Variants in TENM3 observed in about 807,000 individuals in gnomAD.
TENM3 encodes the protein teneurin transmembrane protein 3.
TENM3 carries 63 observed loss-of-function variants against 255.1 expected under a neutral mutation model. That is an observed-to-expected ratio of 0.25 (90% confidence interval 0.20 to 0.30). TENM3 has a LOEUF of 0.30. Among genes scored for constraint, TENM3 ranks in the 10% least tolerant of loss-of-function variants. TENM3 has a pLI of 1.00. For synonymous variants in TENM3, 1,306 were observed against 1,322.3 expected, an observed-to-expected ratio of 0.99 and a Z score of 0.27; for missense variants, 2,929 against 3,461.1, an observed-to-expected ratio of 0.85 and a Z score of 3.86.
At chr4:182,446,205 C>G (rs1772900306) in intron 3 of TENM3, among the ~76,000 whole-genome samples, 1 of 152,158 alleles carries the variant, frequency 6.6e-6, no homozygotes, top group South Asian at 2.1e-4. Context: ...CTTGATTATT[C>G]TCAAAGGATC....
At chr4:181,863,013 GA>G in the TENM3 span, among the ~76,000 whole-genome samples, 3 of 152,124 alleles carry the variant, frequency 2.0e-5, no homozygotes, top group African/African-American at 7.2e-5. Context: ...AAATACGCAT[GA>G]AAAATGTTAA....
the TENM3 span, among the ~76,000 whole-genome samples, chr4:181,574,814 GA>G: frequency 2.6e-5 from 4 of 152,092 alleles, no homozygotes; most frequent in African/African-American, 9.7e-5. Flanking sequence ...TTACAAAAGT[GA>G]AAATGTACTA....
At chr4:181,516,668 C>T in the TENM3 span, among the ~76,000 whole-genome samples, 1 of 151,880 alleles carries the variant, frequency 6.6e-6, no homozygotes, top group Non-Finnish European at 1.5e-5. Context: ...CCCAGCTACT[C>T]GGGCGGCTGA....
chr4:182,205,511 C>G (rs1432379942), intron 1 of TENM3, among the ~76,000 whole-genome samples: 1 of 152,142 alleles, frequency 6.6e-6, no homozygotes, highest in East Asian at 1.9e-4. Context: ...TTCCTCAGGG[C>G]CCCCCAGGTG....
intron 3 of TENM3, among the ~76,000 whole-genome samples, chr4:182,567,071 A>C (rs1479302139): frequency 6.6e-6 from 1 of 152,226 alleles, no homozygotes; most frequent in East Asian, 1.9e-4. Flanking sequence ...AAACTTCTAA[A>C]TAGAGAGGTA....
At chr4:182,474,694 TA>T (rs1212641199) in intron 3 of TENM3, among the ~76,000 whole-genome samples, 19 of 152,228 alleles carry the variant, frequency 1.2e-4, no homozygotes, top group African/African-American at 4.6e-4. Context: ...TGTTTTGCTT[TA>T]TTGACACATA....
chr4:182,324,005 A>G lies in TENM3; in HGVS notation c.-16A>G, dbSNP rs1356273642. 2.5e-6 allele frequency: 4 copies of G among 1,609,072 alleles called. No homozygotes were observed. The highest frequency in any genetic ancestry group is 3.4e-6 in the Non-Finnish European group (4 of 1,176,948). ...TGTCACCAGCAGGACTGATGTGCAC[A>G]CAGAAGGAATGAAGTATGGATGTGA... On this transcript the variant is annotated 5_prime_UTR_variant, in exon 2 of 28. Transcript: ENST00000511685.
rs184936582 is a variant in TENM3 at position 182,249,518 on chromosome 4, T to C, written c.-76+6042T>C. On this transcript the variant is annotated intron_variant, in intron 1 of 27. Transcript: ENST00000511685. ...AGCAGGAAAACACAATGGTGGACCATGCACTGGCTCTTAAAATCTTCTGCT... is the reference window on the plus strand; with the variant it reads ...AGCAGGAAAACACAATGGTGGACCACGCACTGGCTCTTAAAATCTTCTGCT... 5.2e-4 allele frequency among the ~76,000 whole-genome samples: 79 copies of C among 152,294 alleles called. 1 individual carries two copies. Among genetic ancestry groups the C allele is most frequent in the Non-Finnish European group, 2.9e-5 (2 of 68,026 alleles).
the TENM3 span, among the ~76,000 whole-genome samples, chr4:181,950,486 T>A: frequency 6.6e-6 from 1 of 152,178 alleles, no homozygotes; most frequent in East Asian, 1.9e-4. Context: ...ATTAACACCA[T>A]GTTACACCAT....
In TENM3 at chr4:182,672,452, C is replaced by T. The variant is rs919093931; in HGVS notation, c.1112-553C>T. Among the ~76,000 whole-genome samples, 14 of 152,252 alleles carry T rather than the reference C, an allele frequency of 9.2e-5. No homozygotes were observed. In the South Asian group the frequency reaches 1.7e-3, roughly 18 times the overall value. On this transcript the variant is annotated intron_variant, in intron 6 of 27. Transcript: ENST00000511685. ...CTCCTTCCTTTCCCCTCACAATGCC[C>T]CAAGTACCCCTTCTCTATCTCTCTG...
chr4:181,803,885 T>A, the TENM3 span, among the ~76,000 whole-genome samples: 6 of 147,672 alleles, frequency 4.1e-5, no homozygotes, highest in Admixed American at 3.4e-4. Flanking sequence ...CAGTGAGCTA[T>A]TATTGTGCCA....
At chr4:182,479,850 A>G (rs1480061236) in intron 3 of TENM3, among the ~76,000 whole-genome samples, 2 of 152,000 alleles carry the variant, frequency 1.3e-5, no homozygotes, top group African/African-American at 4.8e-5. Context: ...AGGATTTCTG[A>G]GATATAAGAA....
chr4:182,336,843 C>CTTTTTTTTTTTTTTTTTTTT (rs34620762), intron 2 of TENM3, among the ~76,000 whole-genome samples: 1 of 113,498 alleles, frequency 8.8e-6, no homozygotes. Context: ...TTATTCTTAG[C>CTTTTTTTTTTTTTTTTTTTT]TTTTTTTTTT....
At chr4:181,887,770 A>G in the TENM3 span, among the ~76,000 whole-genome samples, 4 of 152,210 alleles carry the variant, frequency 2.6e-5, no homozygotes, top group Non-Finnish European at 5.9e-5. Flanking sequence ...TGCAGCTTCA[A>G]AATGGGGAAC....
chr4:182,377,830 G>A (rs1767281415), intron 3 of TENM3, among the ~76,000 whole-genome samples: 1 of 152,110 alleles, frequency 6.6e-6, no homozygotes, highest in Non-Finnish European at 1.5e-5. Flanking sequence ...GACTCTGTGG[G>A]TACTCTCTTA....
intron 3 of TENM3, among the ~76,000 whole-genome samples, chr4:182,382,069 G>A (rs1172675787): frequency 1.3e-5 from 2 of 152,102 alleles, no homozygotes; most frequent in Admixed American, 6.5e-5. Flanking sequence ...TATTAAAGAG[G>A]GAATTATATG....
intron 1 of TENM3, among the ~76,000 whole-genome samples, chr4:182,157,311 C>A (rs1750783842): frequency 6.6e-6 from 1 of 152,188 alleles, no homozygotes; most frequent in Non-Finnish European, 1.5e-5. Flanking sequence ...AAGCCAGTGA[C>A]CTGAGAAGAA....
At chr4:181,887,461 T>C in the TENM3 span, among the ~76,000 whole-genome samples, 1 of 152,204 alleles carries the variant, frequency 6.6e-6, no homozygotes, top group Non-Finnish European at 1.5e-5. Context: ...AGGAGTATTC[T>C]GGTTCTCTTT....
the TENM3 span, among the ~76,000 whole-genome samples, chr4:182,025,308 G>T: frequency 6.6e-6 from 1 of 152,110 alleles, no homozygotes; most frequent in Non-Finnish European, 1.5e-5. Flanking sequence ...GATTACAGGC[G>T]TGAGCCACCA....
Sources: allele counts gnomAD v4.1 joint callset (sites outside exome capture counted in the v4.1 genomes callset), GRCh38; gene constraint gnomAD v4.1.1; transcripts MANE v1.5; gene names NCBI Gene and HGNC (gene_info 2026-07-23, HGNC 2026-07-21).